The following PPP4R1 variants were observed in gnomAD, a reference collection of about 807,000 sequenced individuals.
PPP4R1 encodes serine/threonine-protein phosphatase 4 regulatory subunit 1.
PPP4R1 carries 42 observed loss-of-function variants against 111.2 expected under a neutral mutation model. That is an observed-to-expected ratio of 0.38 (90% CI 0.29 to 0.49). The LOEUF (loss-of-function observed/expected upper bound fraction) is 0.49. Ranked by LOEUF, PPP4R1 falls within the 20% of genes least tolerant of loss-of-function variation. PPP4R1 has a pLI of 0.97. For synonymous variants in PPP4R1, 409 were observed against 405.5 expected (o/e 1.01, Z -0.10); for missense variants, 1,012 against 1,161.6 (o/e 0.87, Z 1.87).
intron 6 of PPP4R1, among the ~76,000 whole-genome samples, chr18:9,586,048 T>C (rs1376580762): frequency 6.6e-6 from 1 of 152,134 alleles, no homozygotes; most frequent in Non-Finnish European, 1.5e-5. Flanking sequence ...AGCATCTCCA[T>C]GCTCTAGTTA....
chr18:9,565,017 G>A (rs1056543348), intron 11 of PPP4R1, among the ~76,000 whole-genome samples: 2 of 151,992 alleles, frequency 1.3e-5, no homozygotes, highest in African/African-American at 4.8e-5. Flanking sequence ...CGTGATAACT[G>A]TACTTTTTCT....
intron 18 of PPP4R1, among the ~76,000 whole-genome samples, chr18:9,549,546 A>G (rs1326976568): frequency 6.6e-6 from 1 of 152,218 alleles, no homozygotes; most frequent in Non-Finnish European, 1.5e-5. Flanking sequence ...CTCTACGGAG[A>G]CCTAGAGTGT....
chr18:9,585,784 A>C (rs1416121947), intron 6 of PPP4R1, among the ~76,000 whole-genome samples: 1 of 152,236 alleles, frequency 6.6e-6, no homozygotes, highest in Non-Finnish European at 1.5e-5. Context: ...TATCACTCAC[A>C]GAAGTACTTT....
At chr18:9,602,443 G>A (rs553156470) in intron 2 of PPP4R1, among the ~76,000 whole-genome samples, 1 of 151,194 alleles carries the variant, frequency 6.6e-6, no homozygotes, top group East Asian at 1.9e-4. Flanking sequence ...CTACTTGGGA[G>A]GCTGAGGCAG....
chr18:9,584,500 A>G lies in PPP4R1; in HGVS notation c.759+15T>C, dbSNP rs1185402973. On this transcript the variant is annotated intron_variant, in intron 8 of 19. Coordinates refer to ENST00000400556, the MANE Select transcript of PPP4R1 (RefSeq NM_001042388.3). ...TAACACACACTGTTTACTCCTTTAT[A>G]TCTGCAATACTTACCAACATTTCTT... 1 of 1,606,140 alleles carries G rather than the reference A, an allele frequency of 6.2e-7. No homozygotes were observed. Among genetic ancestry groups the G allele is most frequent in the Admixed American group, 1.7e-5 (1 of 58,174 alleles).
At chr18:9,599,526 T>C (rs2067345553) in intron 2 of PPP4R1, 1 of 152,296 alleles carries the variant, frequency 6.6e-6, no homozygotes, top group Non-Finnish European at 1.5e-5. Context: ...ATGGTCTAAA[T>C]AGCCCAACTA....
chr18:9,570,633 G>A lies in PPP4R1; in HGVS notation c.1097C>T (p.Thr366Ile). Reference protein sequence around the residue: ...PEDVQVRPEDTPSDLSVSNSS... With the variant: ...PEDVQVRPEDIPSDLSVSNSS... ...ATTACTAACACTGAGATCTGAAGGA[G>A]TATCCTCTGGCCTGACTTGTACATC... Residue 366 changes from threonine to isoleucine, a missense_variant, in exon 11 of 20, where the codon ACT (threonine) becomes ATT (isoleucine). Transcript: ENST00000400556. The A allele has an allele frequency of 1.9e-6, 3 of 1,612,360 alleles. No individual in the cohort carries two copies. The highest frequency in any genetic ancestry group is 2.5e-6 in the Non-Finnish European group (3 of 1,179,308).
chr18:9,567,408 T>C (rs1240821108), intron 11 of PPP4R1, among the ~76,000 whole-genome samples: 2 of 152,164 alleles, frequency 1.3e-5, no homozygotes, highest in Non-Finnish European at 2.9e-5. Flanking sequence ...GGCTGGAGTA[T>C]AGTGGTTATA....
At chr18:9,579,927 GTA>G (rs2066999136) in intron 9 of PPP4R1, among the ~76,000 whole-genome samples, 1 of 152,108 alleles carries the variant, frequency 6.6e-6, no homozygotes, top group African/African-American at 2.4e-5. Flanking sequence ...AGGAACAGCT[GTA>G]TATCTCTAAA....
At chr18:9,578,128 T>C (rs1182097368) in intron 9 of PPP4R1, among the ~76,000 whole-genome samples, 1 of 152,154 alleles carries the variant, frequency 6.6e-6, no homozygotes, top group African/African-American at 2.4e-5. Context: ...CATTTGAAAA[T>C]GAGAGGTTTT....
Position 9,570,236 on chromosome 18 carries a change from GT to G in PPP4R1, c.1493del (p.Asn498ThrfsTer13), listed in dbSNP as rs1220035753. ...ESEGPVPSSP[N>X]ITMATRKELE... ...GTTCCTTTCTGGTGGCCATGGTGAT[GT>G]TTGGAGAACTGGGCACAGGGCCCTC... On this transcript the variant is annotated frameshift_variant, in exon 11 of 20. Coordinates refer to ENST00000400556, the MANE Select transcript of PPP4R1 (RefSeq NM_001042388.3). LOFTEE classifies it high-confidence loss of function. The G allele has an allele frequency of 6.3e-7, 1 of 1,590,848 alleles. No individual in the cohort carries two copies. The highest frequency in any genetic ancestry group is 1.2e-5 in the South Asian group (1 of 86,886).
intron 11 of PPP4R1, 116 bp downstream of exon 11, chr18:9,570,041 T>C: frequency 8.9e-7 from 1 of 1,122,224 alleles, no homozygotes; most frequent in Admixed American, 3.1e-5. Context: ...TGAGTCACTG[T>C]GCCCAGTCCA....
intron 9 of PPP4R1, among the ~76,000 whole-genome samples, chr18:9,582,510 G>A (rs976290518): frequency 5.9e-5 from 9 of 152,116 alleles, no homozygotes; most frequent in Non-Finnish European, 1.0e-4. Flanking sequence ...CCTATAACAA[G>A]TGAAGAGACA....
chr18:9,558,699 G>GCTTTC (rs10686779), intron 14 of PPP4R1, among the ~76,000 whole-genome samples: 2 of 148,102 alleles, frequency 1.4e-5, no homozygotes, highest in Non-Finnish European at 3.0e-5. Flanking sequence ...TAATCAGACT[G>GCTTTC]TTTTTTTTTT....
chr18:9,594,898 G>A, intron 3 of PPP4R1, 120 bp downstream of exon 3: 1 of 1,183,130 alleles, frequency 8.5e-7, no homozygotes, highest in East Asian at 2.4e-5. Context: ...AATAAAACTT[G>A]GTGACTCAGA....
rs1292223432 is a variant in PPP4R1, at chr18:9,546,808, A to G, written c.*981T>C. 2 of 152,232 alleles carry G rather than the reference A, an allele frequency of 1.3e-5. No homozygotes were observed. The highest frequency in any genetic ancestry group is 4.8e-5 in the African/African-American group (2 of 41,456). The allele number at this position is 152,232 out of a possible 1,614,324, so 9.4% of individuals were successfully genotyped here. ...AACTAATAAACTAGTTAAAAGACAAATATTTTAATCTAGTTTCCCCACTTT... is the reference window on the plus strand; with the variant it reads ...AACTAATAAACTAGTTAAAAGACAAGTATTTTAATCTAGTTTCCCCACTTT... On this transcript the variant is annotated 3_prime_UTR_variant, in exon 20 of 20. Coordinates refer to ENST00000400556, the MANE Select transcript of PPP4R1 (RefSeq NM_001042388.3).
At chr18:9,558,081 A>G (rs2066615805) in intron 14 of PPP4R1, among the ~76,000 whole-genome samples, 1 of 152,250 alleles carries the variant, frequency 6.6e-6, no homozygotes, top group South Asian at 2.1e-4. Context: ...TTTAAGTTAA[A>G]AACATCCTTT....
chr18:9,557,507 C>A, intron 14 of PPP4R1, 125 bp from the exon 15 acceptor site: 3 of 813,058 alleles, frequency 3.7e-6, no homozygotes, highest in Non-Finnish European at 5.4e-6. Context: ...ATCAGAATAA[C>A]AGATACTAAC....
Position 9,547,963 on chromosome 18 carries a change from C to T in PPP4R1, c.2690-11G>A, listed in dbSNP as rs1161490104. On this transcript the variant is annotated splice_polypyrimidine_tract_variant and intron_variant, in intron 19 of 19. Transcript: ENST00000400556. Reference sequence around the variant, plus strand: ...AGGCCAAGAAATAGTCTGGAAATGACATGTGCATAGGACAGATGAAACCAG... The same window carrying T: ...AGGCCAAGAAATAGTCTGGAAATGATATGTGCATAGGACAGATGAAACCAG... The T allele has an allele frequency of 1.1e-5, 18 of 1,613,360 alleles. No individual in the cohort carries two copies. The highest frequency in any genetic ancestry group is 1.4e-5 in the Non-Finnish European group (16 of 1,179,918).
Sources: gnomAD v4.1 joint callset for allele counts (sites outside exome capture counted in the v4.1 genomes callset) on GRCh38, gnomAD v4.1.1 for gene constraint, MANE v1.5 for transcripts, NCBI Gene and HGNC (gene_info 2026-07-23, HGNC 2026-07-21) for gene names.